The following GRM8 variants were observed in gnomAD, a reference collection of about 807,000 sequenced individuals.
GRM8 encodes the protein metabotropic glutamate receptor 8.
In GRM8, 47 loss-of-function variants were observed where a neutral mutation model predicts 87.2. That is an observed-to-expected ratio of 0.54 (90% CI 0.43 to 0.69). The LOEUF (loss-of-function observed/expected upper bound fraction) is 0.69. Ranked by LOEUF, GRM8 falls within the 30% of genes least tolerant of loss-of-function variation. The pLI is 0.00. For synonymous variants in GRM8, 396 were observed against 404.5 expected (o/e 0.98, Z 0.25); for missense variants, 1,019 against 1,139.2 (o/e 0.89, Z 1.52).
intron 2 of GRM8, among the ~76,000 whole-genome samples, chr7:127,179,322 G>A (rs1794301666): frequency 6.6e-6 from 1 of 152,080 alleles, no homozygotes; most frequent in Non-Finnish European, 1.5e-5. Flanking sequence ...AAACATATAT[G>A]CACCTAACAC....
chr7:126,722,320 C>T (rs915226471), intron 7 of GRM8, among the ~76,000 whole-genome samples: 3 of 152,102 alleles, frequency 2.0e-5, no homozygotes, highest in East Asian at 3.9e-4. Context: ...TTTGTTATCC[C>T]TTTCATCTAG....
In GRM8 at chr7:127,246,242, T is replaced by C. The variant is rs1261878498; in HGVS notation, c.-311-2727A>G. The stretch of plus-strand genomic sequence containing the variant: ...AATCTTAAATTACTTATCTTGCTCT[T>C]GTACAATTCTTGTGAGCTTTAATCC... On this transcript the variant is annotated intron_variant, in intron 1 of 10. Transcript: ENST00000339582. Among the ~76,000 whole-genome samples the C allele has an allele frequency of 4.6e-5, 7 of 152,384 alleles. No individual in the cohort carries two copies. The East Asian group carries it at 1.3e-3, about 29-fold the overall frequency.
chr7:127,128,533 C>G (rs1444547131), intron 2 of GRM8, among the ~76,000 whole-genome samples: 1 of 152,076 alleles, frequency 6.6e-6, no homozygotes, highest in Non-Finnish European at 1.5e-5. Flanking sequence ...TCTGAAAGAT[C>G]CCTTCAATGG....
intron 2 of GRM8, among the ~76,000 whole-genome samples, chr7:127,140,170 C>G (rs981221854): frequency 6.6e-6 from 1 of 152,040 alleles, no homozygotes; most frequent in Non-Finnish European, 1.5e-5. Context: ...TCTATTTCAG[C>G]TTTTCTCAAT....
intron 3 of GRM8, among the ~76,000 whole-genome samples, chr7:127,017,115 A>G (rs1440923788): frequency 6.6e-6 from 1 of 152,050 alleles, no homozygotes; most frequent in African/African-American, 2.4e-5. Flanking sequence ...TGTCTTTACA[A>G]AACCCTTTAT....
intron 7 of GRM8, among the ~76,000 whole-genome samples, chr7:126,691,935 A>C (rs1808859986): frequency 6.6e-6 from 1 of 152,226 alleles, no homozygotes; most frequent in South Asian, 2.1e-4. Flanking sequence ...TGACACAAAG[A>C]ATGACAGAAA....
At chr7:127,064,988 C>G (rs1035625615) in intron 3 of GRM8, among the ~76,000 whole-genome samples, 5 of 152,170 alleles carry the variant, frequency 3.3e-5, no homozygotes, top group African/African-American at 1.2e-4. Flanking sequence ...GCAGAACTAC[C>G]ATTCTAACCA....
At chr7:126,631,687 C>T (rs1337486470) in intron 7 of GRM8, among the ~76,000 whole-genome samples, 3 of 151,990 alleles carry the variant, frequency 2.0e-5, no homozygotes, top group Admixed American at 6.6e-5. Flanking sequence ...AAAACAGGCA[C>T]GTAGACCAAT....
intron 7 of GRM8, among the ~76,000 whole-genome samples, chr7:126,653,360 T>C (rs562409314): frequency 1.3e-5 from 2 of 150,588 alleles, no homozygotes; most frequent in Admixed American, 1.3e-4. Context: ...AATTCAATAT[T>C]CAATTAGGGG....
chr7:126,918,838 TAGAAA>T (rs1804199985), intron 3 of GRM8, among the ~76,000 whole-genome samples: 1 of 152,166 alleles, frequency 6.6e-6, no homozygotes, highest in Non-Finnish European at 1.5e-5. Flanking sequence ...AGGGGGTTCT[TAGAAA>T]AGAACGTTAA....
chr7:126,889,825 T>C (rs1800829747), intron 6 of GRM8, among the ~76,000 whole-genome samples: 2 of 152,228 alleles, frequency 1.3e-5, no homozygotes, highest in South Asian at 2.1e-4. Context: ...TTTAATTCTT[T>C]AATATCTTAA....
At chr7:127,234,469 T>C (rs958440618) in intron 2 of GRM8, among the ~76,000 whole-genome samples, 16 of 152,178 alleles carry the variant, frequency 1.1e-4, no homozygotes, top group Non-Finnish European at 1.6e-4. Context: ...ATGACCAATA[T>C]GAACAGAAAT....
intron 9 of GRM8, among the ~76,000 whole-genome samples, chr7:126,502,775 T>C (rs1452540225): frequency 6.6e-6 from 1 of 152,052 alleles, no homozygotes; most frequent in Non-Finnish European, 1.5e-5. Flanking sequence ...ATGTGTACTT[T>C]ATAATACATA....
At chr7:126,627,433 T>A (rs1295088157) in intron 7 of GRM8, among the ~76,000 whole-genome samples, 2 of 152,258 alleles carry the variant, frequency 1.3e-5, no homozygotes, top group African/African-American at 4.8e-5. Context: ...TTATTATACC[T>A]AATAATTGAT....
chr7:127,174,133 G>A (rs1477178063), intron 2 of GRM8, among the ~76,000 whole-genome samples: 15 of 152,026 alleles, frequency 9.9e-5, no homozygotes. Flanking sequence ...ATCCACAATT[G>A]ACTACAATGC....
At chr7:126,920,350 C>T (rs978144741) in intron 3 of GRM8, among the ~76,000 whole-genome samples, 2 of 152,040 alleles carry the variant, frequency 1.3e-5, no homozygotes, top group African/African-American at 4.8e-5. Context: ...CTAATTCCTC[C>T]AAATACCCAA....
At chr7:126,640,599 T>C (rs982657770) in intron 7 of GRM8, among the ~76,000 whole-genome samples, 4 of 152,012 alleles carry the variant, frequency 2.6e-5, no homozygotes, top group African/African-American at 7.2e-5. Flanking sequence ...GGTGGGTGCA[T>C]ATATATTTTC....
At chr7:126,801,446 G>A (rs1242764945) in intron 6 of GRM8, among the ~76,000 whole-genome samples, 1 of 67,728 alleles carries the variant, frequency 1.5e-5, no homozygotes, top group Non-Finnish European at 5.0e-5. Context: ...TGCTATATCA[G>A]AAACAACAAG....
intron 3 of GRM8, among the ~76,000 whole-genome samples, chr7:126,910,338 T>C (rs1277143495): frequency 6.6e-6 from 1 of 152,204 alleles, no homozygotes; most frequent in African/African-American, 2.4e-5. Context: ...TATTGAACCT[T>C]GTCTTTCAAA....
Sources: gnomAD v4.1 joint callset for allele counts (sites outside exome capture counted in the v4.1 genomes callset) on GRCh38, gnomAD v4.1.1 for gene constraint, MANE v1.5 for transcripts, NCBI Gene and HGNC (gene_info 2026-07-23, HGNC 2026-07-21) for gene names.